The following SPRR2G variants were observed in gnomAD, a reference collection of about 807,000 sequenced individuals.
The protein encoded by SPRR2G is small proline-rich protein 2G.
A neutral mutation model predicts 0.7 loss-of-function variants in SPRR2G; 1 was observed. That is an observed-to-expected ratio of 1.49 (90% CI 0.53 to 7.06). SPRR2G has a LOEUF of 7.06. Among genes scored for constraint, SPRR2G ranks in the 30% most tolerant of loss-of-function variants. The probability of loss-of-function intolerance (pLI) is 0.14; values close to 1 mark genes in which losing one functional copy is unlikely to be tolerated. For synonymous variants in SPRR2G, 38 were observed against 33.9 expected, an observed-to-expected ratio of 1.12 and a Z score of -0.42; for missense variants, 96 against 88.5, an observed-to-expected ratio of 1.09 and a Z score of -0.34.
chr1:153,190,135 T>A, the SPRR2G span: 1 of 152,408 alleles, frequency 6.6e-6, no homozygotes, highest in Non-Finnish European at 1.5e-5. Context: ...CAAAGTCCCC[T>A]GCCAGCACCA....
the SPRR2G span, among the ~76,000 whole-genome samples, chr1:153,185,353 T>G: frequency 4.5e-3 from 680 of 150,158 alleles, 9 homozygotes; most frequent in African/African-American, 0.013. Flanking sequence ...TTTTTTTTTT[T>G]TGTGGTTAGT....
chr1:153,186,491 C>G, the SPRR2G span, among the ~76,000 whole-genome samples: 1 of 152,108 alleles, frequency 6.6e-6, no homozygotes, highest in East Asian at 1.9e-4. Flanking sequence ...TATTTTTTGA[C>G]CTTTGTTGGT....
the SPRR2G span, among the ~76,000 whole-genome samples, chr1:153,200,193 C>A: frequency 6.6e-6 from 1 of 152,044 alleles, no homozygotes; most frequent in Non-Finnish European, 1.5e-5. Context: ...TGAAATCATC[C>A]GTTAATAGTT....
At chr1:153,177,956 T>A in the SPRR2G span, among the ~76,000 whole-genome samples, 1 of 152,164 alleles carries the variant, frequency 6.6e-6, no homozygotes, top group South Asian at 2.1e-4. Context: ...AAATAGTGTG[T>A]TATCCAATAT....
At chr1:153,172,606 C>T in the SPRR2G span, among the ~76,000 whole-genome samples, 2 of 152,134 alleles carry the variant, frequency 1.3e-5, no homozygotes, top group East Asian at 1.9e-4. Context: ...ACCTGCAAAA[C>T]TGGAGTTTCC....
At chr1:153,200,235 C>A in the SPRR2G span, among the ~76,000 whole-genome samples, 4 of 152,102 alleles carry the variant, frequency 2.6e-5, no homozygotes, top group Non-Finnish European at 4.4e-5. Flanking sequence ...ACTGTGAACG[C>A]CACCAGGAGC....
the SPRR2G span, among the ~76,000 whole-genome samples, chr1:153,162,445 A>G: frequency 2.0e-5 from 3 of 152,056 alleles, no homozygotes; most frequent in Admixed American, 2.0e-4. Context: ...TAACCCAAAC[A>G]CTCTGCCCTT....
the SPRR2G span, among the ~76,000 whole-genome samples, chr1:153,173,449 G>GA: frequency 1.1e-4 from 16 of 150,960 alleles, no homozygotes; most frequent in East Asian, 2.1e-3. Flanking sequence ...AAGTCAAACA[G>GA]AAAAAAAAAT....
chr1:153,163,736 C>T, the SPRR2G span, among the ~76,000 whole-genome samples: 5 of 152,174 alleles, frequency 3.3e-5, no homozygotes, highest in East Asian at 1.9e-4. Flanking sequence ...CTTCTGTGCA[C>T]GGCATCTGTG....
rs761613805 is a variant in SPRR2G, at chr1:153,149,838, G to C, written c.*51C>G. 4.3e-5 allele frequency: 69 copies of C among 1,602,034 alleles called. No homozygotes were observed. In the South Asian group the frequency reaches 7.2e-4, roughly 17 times the overall value. On this transcript the variant is annotated 3_prime_UTR_variant, in exon 2 of 2. Coordinates refer to ENST00000368748, the MANE Select transcript of SPRR2G (RefSeq NM_001014291.4). ...GAAGATGATGGAGTCCTGGGAGTAA[G>C]AAGAGCCACTGGATCTTGTTGTTTC... is the stretch of plus-strand genomic sequence containing the variant.
At chr1:153,194,725 A>T in the SPRR2G span, among the ~76,000 whole-genome samples, 4 of 152,212 alleles carry the variant, frequency 2.6e-5, no homozygotes, top group African/African-American at 7.2e-5. Context: ...ATTGTCTCAG[A>T]CAGCAGCATC....
chr1:153,152,659 G>C (rs139742639), upstream of SPRR2G, among the ~76,000 whole-genome samples: 113 of 152,206 alleles, frequency 7.4e-4, 1 homozygote, highest in East Asian at 0.017. Context: ...CACACTTCAG[G>C]GATGCCAGAA....
the SPRR2G span, among the ~76,000 whole-genome samples, chr1:153,174,090 T>C: frequency 6.6e-6 from 1 of 152,202 alleles, no homozygotes; most frequent in Non-Finnish European, 1.5e-5. Flanking sequence ...TGTTGACAAA[T>C]GTTTGGCATA....
chr1:153,183,009 A>G, the SPRR2G span, among the ~76,000 whole-genome samples: 3 of 151,934 alleles, frequency 2.0e-5, no homozygotes, highest in Non-Finnish European at 4.4e-5. Context: ...CAACAGTGTA[A>G]AAGTGTTCGT....
chr1:153,187,165 C>T, the SPRR2G span, among the ~76,000 whole-genome samples: 1 of 152,104 alleles, frequency 6.6e-6, no homozygotes, highest in Non-Finnish European at 1.5e-5. Flanking sequence ...GAGAATCTGA[C>T]AATTATGTGT....
chr1:153,170,264 T>C, the SPRR2G span, among the ~76,000 whole-genome samples: 1 of 152,186 alleles, frequency 6.6e-6, no homozygotes, highest in Admixed American at 6.5e-5. Context: ...GTTAACTGGA[T>C]CAATTATTAC....
chr1:153,183,095 T>C, the SPRR2G span, among the ~76,000 whole-genome samples: 21 of 148,858 alleles, frequency 1.4e-4, no homozygotes, highest in Non-Finnish European at 2.7e-4. Context: ...GGGGACAGAG[T>C]TTCACTCTTG....
the SPRR2G span, among the ~76,000 whole-genome samples, chr1:153,180,765 T>C: frequency 6.6e-6 from 1 of 152,204 alleles, no homozygotes; most frequent in Non-Finnish European, 1.5e-5. Context: ...CTCCACACTC[T>C]GTCTAAACTT....
At chr1:153,185,463 G>A in the SPRR2G span, among the ~76,000 whole-genome samples, 2 of 152,066 alleles carry the variant, frequency 1.3e-5, no homozygotes, top group African/African-American at 4.8e-5. Context: ...ATGTGTCCAG[G>A]AATGCATCCA....
Sources: gnomAD v4.1 joint callset for allele counts (sites outside exome capture counted in the v4.1 genomes callset) on GRCh38, gnomAD v4.1.1 for gene constraint, MANE v1.5 for transcripts, NCBI Gene and HGNC (gene_info 2026-07-23, HGNC 2026-07-21) for gene names.